The following PTGER3 variants were observed in gnomAD, a reference collection of about 807,000 sequenced individuals.
PTGER3 encodes the protein prostaglandin E2 receptor EP3 subtype.
Under a neutral mutation model 34.7 loss-of-function variants are expected in PTGER3, and 22 were observed. The ratio of observed to expected loss-of-function variants is 0.63; its 90% CI spans 0.45 to 0.91. PTGER3 has a LOEUF of 0.91. Ranked by LOEUF, PTGER3 falls within the 40% of genes least tolerant of loss-of-function variation. The pLI is 0.00. For synonymous variants in PTGER3, 241 were observed against 230.1 expected, an observed-to-expected ratio of 1.05 and a Z score of -0.43; for missense variants, 468 against 519.4, an observed-to-expected ratio of 0.90 and a Z score of 0.96.
chr1:70,971,770 G>T (rs759656571), intron 3 of PTGER3, 37 bp from the exon 4 acceptor site: 1 of 1,402,662 alleles, frequency 7.1e-7, no homozygotes, highest in Non-Finnish European at 9.8e-7. Flanking sequence ...AATAAGCATG[G>T]ATGGGGATTA....
intron 2 of PTGER3, among the ~76,000 whole-genome samples, chr1:70,955,710 C>T (rs1027209605): frequency 2.0e-5 from 3 of 152,136 alleles, no homozygotes; most frequent in Admixed American, 6.5e-5. Flanking sequence ...TTTTATAACA[C>T]TTCTGATAAT....
chr1:70,882,045 C>A (rs1646401986), intron 4 of PTGER3, among the ~76,000 whole-genome samples: 2 of 152,158 alleles, frequency 1.3e-5, no homozygotes, highest in Non-Finnish European at 2.9e-5. Flanking sequence ...ATTGGAAACT[C>A]TGGCAAGCAT....
At chr1:71,014,369 G>T (rs1304747354) in intron 1 of PTGER3, among the ~76,000 whole-genome samples, 1 of 152,142 alleles carries the variant, frequency 6.6e-6, no homozygotes, top group Non-Finnish European at 1.5e-5. Flanking sequence ...CCTCTGCAAT[G>T]CCTTTTGCTC....
intron 4 of PTGER3, among the ~76,000 whole-genome samples, chr1:70,883,038 T>G (rs1032770138): frequency 1.3e-5 from 2 of 152,178 alleles, no homozygotes; most frequent in Non-Finnish European, 2.9e-5. Flanking sequence ...TCCAACAACT[T>G]TATGCAAAAT....
chr1:71,021,840 A>G (rs1388313022), intron 1 of PTGER3, among the ~76,000 whole-genome samples: 1 of 151,820 alleles, frequency 6.6e-6, no homozygotes, highest in Non-Finnish European at 1.5e-5. Flanking sequence ...ACAATAGAGC[A>G]CTGCTTAAAC....
At chr1:70,906,757 A>G (rs1277235905) in intron 4 of PTGER3, among the ~76,000 whole-genome samples, 1 of 152,208 alleles carries the variant, frequency 6.6e-6, no homozygotes, top group Non-Finnish European at 1.5e-5. Flanking sequence ...CATTGGAAAG[A>G]CAAAAGGAAA....
intron 4 of PTGER3, chr1:70,865,859 G>A: frequency 7.7e-7 from 1 of 1,306,096 alleles, no homozygotes. Context: ...GAGATGACAT[G>A]ACTAGAGAGG....
At chr1:70,916,491 C>T (rs1647177462) in intron 4 of PTGER3, among the ~76,000 whole-genome samples, 1 of 152,068 alleles carries the variant, frequency 6.6e-6, no homozygotes, top group African/African-American at 2.4e-5. Flanking sequence ...AGGTGCCCAT[C>T]AGTGGTGGAC....
At chr1:70,981,168 G>A (rs1654220849) in intron 2 of PTGER3, among the ~76,000 whole-genome samples, 9 of 152,022 alleles carry the variant, frequency 5.9e-5, no homozygotes, top group Admixed American at 5.9e-4. Context: ...ATTTACTCCA[G>A]TTGTTGATTT....
rs557383454 is a variant in PTGER3 at position 70,872,923 on chromosome 1, A to G, written c.*24-20064T>C. ...ACTGTGTGATCCTTTCCACTAACAC[A>G]TAACACCTCCCTGGGGTGGTATTTT... is the stretch of plus-strand genomic sequence containing the variant. On this transcript the variant is annotated intron_variant, in intron 4 of 4. Coordinates refer to the PTGER3 transcript ENST00000370931. Among the ~76,000 whole-genome samples the G allele has an allele frequency of 4.6e-5, 7 of 152,288 alleles. No individual in the cohort carries two copies. In the East Asian group the frequency reaches 1.2e-3, roughly 25 times the overall value.
At chr1:71,046,569 A>G in intron 1 of PTGER3, 112 bp downstream of exon 1, 2 of 1,315,624 alleles carry the variant, frequency 1.5e-6, no homozygotes, top group Non-Finnish European at 2.0e-6. Flanking sequence ...AGGACACTTC[A>G]GCGCTCTGCG....
chr1:70,865,445 C>T (rs981436410), intron 4 of PTGER3, among the ~76,000 whole-genome samples: 2 of 152,120 alleles, frequency 1.3e-5, no homozygotes, highest in African/African-American at 4.8e-5. Flanking sequence ...AAGGAATTAA[C>T]AGTGGACACA....
chr1:71,013,254 T>C (rs1657607007), intron 1 of PTGER3, among the ~76,000 whole-genome samples: 1 of 152,294 alleles, frequency 6.6e-6, no homozygotes, highest in Admixed American at 6.5e-5. Context: ...TGAAGGAATA[T>C]ATTATACAAC....
In PTGER3 at chr1:71,011,412, C is replaced by G; in HGVS notation, c.1077+893G>C. The G allele has an allele frequency of 6.1e-6, 6 of 985,236 alleles. 1 individual carries two copies. The highest frequency in any genetic ancestry group is 9.4e-5 in the South Asian group (2 of 21,284). The allele number at this position is 985,236 out of a possible 1,614,324, so 61.0% of individuals were successfully genotyped here. A position where few individuals can be genotyped will look rare whatever the true frequency, so the allele number is the denominator to read the frequency against. On this transcript the variant is annotated intron_variant, in intron 2 of 3. Coordinates refer to ENST00000306666, the MANE Select transcript of PTGER3 (RefSeq NM_198719.2). ...TGAATAATCAAGGGAAATATATATTCAGAGTACCTATAGTTAGTGCTCAAA... is the reference window on the plus strand; with the variant it reads ...TGAATAATCAAGGGAAATATATATTGAGAGTACCTATAGTTAGTGCTCAAA...
chr1:71,009,671 A>G (rs2100846540), intron 2 of PTGER3: 3 of 985,122 alleles, frequency 3.0e-6, no homozygotes, highest in South Asian at 9.4e-5. Flanking sequence ...TACTTCTTCC[A>G]CCATGGTTTT....
At chr1:70,950,513 C>T (rs1335291698), downstream of PTGER3, among the ~76,000 whole-genome samples, 2 of 152,080 alleles carry the variant, frequency 1.3e-5, no homozygotes, top group East Asian at 3.9e-4. Flanking sequence ...AAGGAGCAAG[C>T]GTATTGGCAA....
At chr1:71,018,214 C>T (rs1243618158) in intron 1 of PTGER3, among the ~76,000 whole-genome samples, 1 of 152,096 alleles carries the variant, frequency 6.6e-6, no homozygotes, top group Non-Finnish European at 1.5e-5. Context: ...AGCTTGAAAA[C>T]GATTTTTTCA....
downstream of PTGER3, among the ~76,000 whole-genome samples, chr1:70,968,560 G>A (rs770664955): frequency 9.2e-5 from 14 of 151,958 alleles, no homozygotes; most frequent in Non-Finnish European, 2.1e-4. Flanking sequence ...TTACAACCCA[G>A]AGTATTTGAG....
At chr1:71,003,773 C>T (rs1052614543) in intron 2 of PTGER3, among the ~76,000 whole-genome samples, 1 of 152,200 alleles carries the variant, frequency 6.6e-6, no homozygotes, top group Non-Finnish European at 1.5e-5. Flanking sequence ...GACTTAGTTC[C>T]AGTTTTAGGT....
Sources: allele counts gnomAD v4.1 joint callset (sites outside exome capture counted in the v4.1 genomes callset), GRCh38; gene constraint gnomAD v4.1.1; transcripts MANE v1.5; gene names NCBI Gene and HGNC (gene_info 2026-07-23, HGNC 2026-07-21).